The following GPC5 variants were observed in gnomAD, a reference collection of about 807,000 sequenced individuals.
GPC5 encodes the protein glypican 5, also known as glypican-5.
A neutral mutation model predicts 53.9 loss-of-function variants in GPC5; 47 were observed. That is an observed-to-expected ratio of 0.87 (90% CI 0.69 to 1.11). GPC5 has a LOEUF of 1.11. Among genes scored for constraint, GPC5 ranks in the 50% most tolerant of loss-of-function variants. The probability of loss-of-function intolerance (pLI) is 0.00; values close to 1 mark genes in which losing one functional copy is unlikely to be tolerated. For synonymous variants in GPC5, 286 were observed against 263.3 expected (o/e 1.09, Z -0.84); for missense variants, 748 against 713.1 (o/e 1.05, Z -0.56).
At chr13:92,600,444 TAAGA>T (rs1396085303) in intron 7 of GPC5, among the ~76,000 whole-genome samples, 2 of 152,134 alleles carry the variant, frequency 1.3e-5, no homozygotes, top group Non-Finnish European at 2.9e-5. Context: ...TTCTGCCAGT[TAAGA>T]AAGTATTCCC....
chr13:92,826,919 G>A (rs1877869223), intron 7 of GPC5, among the ~76,000 whole-genome samples: 1 of 151,754 alleles, frequency 6.6e-6, no homozygotes, highest in African/African-American at 2.4e-5. Context: ...GAGTTTTGGG[G>A]GATATTCTAA....
At chr13:92,509,034 AG>A (rs1255906891) in intron 7 of GPC5, among the ~76,000 whole-genome samples, 1 of 152,218 alleles carries the variant, frequency 6.6e-6, no homozygotes, top group East Asian at 1.9e-4. Flanking sequence ...CATCCTAAAA[AG>A]AATGACAGAC....
At chr13:92,638,268 C>G (rs1885475591) in intron 7 of GPC5, among the ~76,000 whole-genome samples, 1 of 152,024 alleles carries the variant, frequency 6.6e-6, no homozygotes, top group African/African-American at 2.4e-5. Flanking sequence ...TTATATTGAC[C>G]TGAACATTGC....
rs112159074 is a variant in GPC5 at position 92,600,663 on chromosome 13, ATTTTT to A, written c.1562-265608_1562-265604del. 1.9e-4 allele frequency among the ~76,000 whole-genome samples: 26 copies of A among 139,250 alleles called. 1 individual carries two copies. Among genetic ancestry groups the A allele is most frequent in the African/African-American group, 5.3e-4 (20 of 37,782 alleles). 91.4% of individuals were successfully genotyped at this position (139,250 alleles called of 152,430 possible). ...CAGGACCCCATCACCACACCCAGCT[ATTTTT>A]TTTTTTTTTTGCATTTTTACTAGAG... On this transcript the variant is annotated intron_variant, in intron 7 of 7. Transcript: ENST00000377067.
At chr13:91,475,536 C>T (rs997940594) in intron 2 of GPC5, among the ~76,000 whole-genome samples, 2 of 152,152 alleles carry the variant, frequency 1.3e-5, no homozygotes, top group Admixed American at 6.6e-5. Flanking sequence ...CTTGTTCATG[C>T]GTCTGCACAT....
chr13:92,832,621 A>C (rs997686802), intron 7 of GPC5, among the ~76,000 whole-genome samples: 2 of 152,160 alleles, frequency 1.3e-5, no homozygotes, highest in Non-Finnish European at 2.9e-5. Context: ...GAACCTGCTC[A>C]TTCCTCTTGG....
intron 4 of GPC5, among the ~76,000 whole-genome samples, chr13:91,736,129 T>A (rs2036808764): frequency 6.6e-6 from 1 of 151,092 alleles, no homozygotes; most frequent in African/African-American, 2.5e-5. Flanking sequence ...TACATTAGAA[T>A]GAGTATTTAT....
chr13:92,730,851 A>C (rs1343459896), intron 7 of GPC5, among the ~76,000 whole-genome samples: 1 of 151,434 alleles, frequency 6.6e-6, no homozygotes, highest in Non-Finnish European at 1.5e-5. Flanking sequence ...CTGGAATCCC[A>C]AATGGGCAAG....
chr13:92,862,129 T>A (rs1331006316), intron 7 of GPC5, among the ~76,000 whole-genome samples: 2 of 152,190 alleles, frequency 1.3e-5, no homozygotes. Context: ...GGGGCACAAC[T>A]GGAATTCTGC....
At position 91,516,924 on chromosome 13, in the gene GPC5, G is replaced by A. The variant is rs372027707; in HGVS notation, c.325+68002G>A. 7.2e-4 allele frequency among the ~76,000 whole-genome samples: 110 copies of A among 152,256 alleles called. 1 individual carries two copies. The South Asian group carries it at 0.02, about 27-fold the overall frequency. ...TCTAAAGCCACAGCCCGAGCTGTAC[G>A]TTGTCCCCTTTCAGCCACAACTGGA... is the stretch of plus-strand genomic sequence containing the variant. On this transcript the variant is annotated intron_variant, in intron 2 of 7. Coordinates refer to ENST00000377067, the MANE Select transcript of GPC5 (RefSeq NM_004466.6).
intron 2 of GPC5, among the ~76,000 whole-genome samples, chr13:91,631,625 G>A (rs1051380297): frequency 6.6e-6 from 1 of 152,010 alleles, no homozygotes; most frequent in Non-Finnish European, 1.5e-5. Context: ...GGTAGGCAAC[G>A]CTCAAAGGGA....
intron 2 of GPC5, among the ~76,000 whole-genome samples, chr13:91,544,077 T>A (rs551655679): frequency 2.0e-5 from 3 of 152,102 alleles, no homozygotes; most frequent in Non-Finnish European, 4.4e-5. Context: ...ACCTGAAATA[T>A]CAGTCTGATG....
chr13:92,431,889 T>G (rs1426038026), intron 7 of GPC5, among the ~76,000 whole-genome samples: 1 of 152,158 alleles, frequency 6.6e-6, no homozygotes. Flanking sequence ...TTGTAAATAG[T>G]GTCAGTGATG....
chr13:92,416,602 C>G (rs1424383380), intron 7 of GPC5, among the ~76,000 whole-genome samples: 1 of 152,116 alleles, frequency 6.6e-6, no homozygotes, highest in Non-Finnish European at 1.5e-5. Context: ...AAAGTAGTAT[C>G]TAAACCTATT....
At chr13:91,828,961 G>A (rs80252567) in intron 5 of GPC5, among the ~76,000 whole-genome samples, 6,712 of 152,160 alleles carry the variant, frequency 0.044, 175 homozygotes, top group Middle Eastern at 0.065. Flanking sequence ...ATATTTTGAT[G>A]AGGGGCATCA....
intron 1 of GPC5, among the ~76,000 whole-genome samples, chr13:91,435,049 CTT>C (rs1879807789): frequency 6.6e-6 from 1 of 152,186 alleles, no homozygotes; most frequent in African/African-American, 2.4e-5. Context: ...TATGCTGAGA[CTT>C]TGCTGAAGTT....
chr13:91,481,089 T>C (rs1430049044), intron 2 of GPC5, among the ~76,000 whole-genome samples: 1 of 152,158 alleles, frequency 6.6e-6, no homozygotes, highest in Non-Finnish European at 1.5e-5. Context: ...CTTCATAAGC[T>C]CATTATACAA....
chr13:92,747,760 T>C (rs1272219957), intron 7 of GPC5, among the ~76,000 whole-genome samples: 1 of 152,200 alleles, frequency 6.6e-6, no homozygotes, highest in African/African-American at 2.4e-5. Flanking sequence ...CTTCTGACTT[T>C]AATGAGCTGC....
chr13:91,791,692 T>C (rs927331642), intron 5 of GPC5, among the ~76,000 whole-genome samples: 6 of 148,796 alleles, frequency 4.0e-5, no homozygotes, highest in African/African-American at 7.7e-5. Flanking sequence ...CAGCTCTCCG[T>C]TGTAAAATTG....
Sources: allele counts gnomAD v4.1 joint callset (sites outside exome capture counted in the v4.1 genomes callset), GRCh38; gene constraint gnomAD v4.1.1; transcripts MANE v1.5; gene names NCBI Gene and HGNC (gene_info 2026-07-23, HGNC 2026-07-21).